Variants in TMEM131L observed in about 807,000 individuals in gnomAD.
The protein encoded by TMEM131L is transmembrane protein 131-like.
TMEM131L carries 54 observed loss-of-function variants against 192.2 expected under a neutral mutation model. The ratio of observed to expected loss-of-function variants is 0.28; its 90% CI spans 0.23 to 0.35. The LOEUF (loss-of-function observed/expected upper bound fraction) is 0.35. TMEM131L is among the 10% of genes least tolerant of loss of function. The pLI is 1.00. For missense variants in TMEM131L, 1,888 were observed against 1,972.9 expected (o/e 0.96, Z 0.82); for synonymous variants, 701 against 704.9 (o/e 0.99, Z 0.09).
chr4:153,554,575 T>C (rs1441595225), intron 4 of TMEM131L, among the ~76,000 whole-genome samples: 1 of 152,254 alleles, frequency 6.6e-6, no homozygotes, highest in Non-Finnish European at 1.5e-5. Context: ...AGATTTTACC[T>C]AATTTTACGG....
intron 16 of TMEM131L, 107 bp downstream of exon 16, chr4:153,589,114 G>A (rs760540119): frequency 1.2e-5 from 8 of 644,666 alleles, no homozygotes; most frequent in South Asian, 5.5e-5. Context: ...TCACCCCACC[G>A]TAGATGCCTG....
intron 3 of TMEM131L, among the ~76,000 whole-genome samples, chr4:153,541,081 A>G (rs1580172325): frequency 3.3e-5 from 5 of 152,178 alleles, no homozygotes; most frequent in Admixed American, 3.3e-4. Context: ...AGAGTGACCT[A>G]CCCTAGCGTC....
rs192271322 is a variant in TMEM131L, at chr4:153,574,750, G to A, written c.661-6076G>A. Among the ~76,000 whole-genome samples the A allele has an allele frequency of 3.3e-5, 5 of 152,234 alleles. No individual in the cohort carries two copies. In the East Asian group the frequency reaches 9.7e-4, roughly 29 times the overall value. ...TTACAGGCGTGTGCCACCATGCCCAGCAAATTTTTGTATTTTTACTAGAGA... is the reference window on the plus strand; with the variant it reads ...TTACAGGCGTGTGCCACCATGCCCAACAAATTTTTGTATTTTTACTAGAGA... On this transcript the variant is annotated intron_variant, in intron 7 of 34. Coordinates refer to ENST00000409959, the MANE Select transcript of TMEM131L (RefSeq NM_001131007.2).
intron 30 of TMEM131L, among the ~76,000 whole-genome samples, chr4:153,626,906 A>G (rs542304933): frequency 1.3e-5 from 2 of 152,358 alleles, no homozygotes; most frequent in East Asian, 1.9e-4. Flanking sequence ...TAGTAGATAC[A>G]TGTTTCCAGT....
At chr4:153,490,587 A>G (rs750419025) in intron 3 of TMEM131L, among the ~76,000 whole-genome samples, 85 of 152,304 alleles carry the variant, frequency 5.6e-4, no homozygotes, top group Non-Finnish European at 9.7e-4. Flanking sequence ...TTGGGTAAAC[A>G]TAAAGTTATT....
At chr4:153,561,243 T>C (rs1316941381) in intron 7 of TMEM131L, among the ~76,000 whole-genome samples, 4 of 152,320 alleles carry the variant, frequency 2.6e-5, no homozygotes, top group Middle Eastern at 3.4e-3. Flanking sequence ...GTCTTTTTAT[T>C]GTTGAGTAGT....
At chr4:153,617,863 G>GTT (rs61453817) in intron 26 of TMEM131L, among the ~76,000 whole-genome samples, 246 of 138,576 alleles carry the variant, frequency 1.8e-3, no homozygotes, top group South Asian at 1.8e-3. Context: ...GCTCTTCGTG[G>GTT]TTTTTTTTTT....
chr4:153,516,901 A>G (rs1561150155), intron 3 of TMEM131L, among the ~76,000 whole-genome samples: 2 of 152,016 alleles, frequency 1.3e-5, no homozygotes, highest in Admixed American at 6.6e-5. Flanking sequence ...ATCTTGGCTC[A>G]CTGCAACCTC....
At chr4:153,529,245 A>T (rs1457290728) in intron 3 of TMEM131L, among the ~76,000 whole-genome samples, 1 of 152,222 alleles carries the variant, frequency 6.6e-6, no homozygotes, top group Non-Finnish European at 1.5e-5. Flanking sequence ...AAAAGAAATG[A>T]TTGATTACTT....
At position 153,581,440 on chromosome 4, in the gene TMEM131L, C is replaced by A; in HGVS notation, c.772C>A (p.Leu258Ile). ...TCTGGAATCTGATGATGTTTTGCGT[C>A]TACAAATGAGCATAATGGTAACAAT... ...CYLESDDVLR[L>I]QMSIMVTMEN... is the part of the protein sequence containing the mutation. Residue 258 changes from leucine (L) to isoleucine (I), a missense_variant, in exon 9 of 35, where the codon CTA becomes ATA. Coordinates refer to ENST00000409959, the MANE Select transcript of TMEM131L (RefSeq NM_001131007.2). 6.3e-7 allele frequency: 1 copy of A among 1,583,750 alleles called. No individual in the cohort carries two copies. Among genetic ancestry groups the A allele is most frequent in the Non-Finnish European group, 8.6e-7 (1 of 1,163,374 alleles).
chr4:153,636,573 G>A lies in TMEM131L; in HGVS notation c.4830G>A (p.Val1610=). The A allele has an allele frequency of 1.2e-6, 2 of 1,608,852 alleles. No homozygotes were observed. The highest frequency in any genetic ancestry group is 1.7e-6 in the Non-Finnish European group (2 of 1,175,876). The change falls in exon 35 of 35, where the codon GTG becomes GTA. Residue 1610 remains valine, a synonymous_variant. Coordinates refer to ENST00000409959, the MANE Select transcript of TMEM131L (RefSeq NM_001131007.2). ...LSRDSSYCGN[V] is the part of the protein sequence containing the mutation. ...GAGACTCGAGTTACTGTGGGAATGTGTGAAAATAATTGGATTTTTAAACAA... is the reference window on the plus strand; with the variant it reads ...GAGACTCGAGTTACTGTGGGAATGTATGAAAATAATTGGATTTTTAAACAA...
chr4:153,480,738 T>C (rs1320068159), intron 3 of TMEM131L, among the ~76,000 whole-genome samples: 1 of 152,172 alleles, frequency 6.6e-6, no homozygotes, highest in African/African-American at 2.4e-5. Flanking sequence ...TGTTGCTCTG[T>C]TGGCTTTTTA....
At chr4:153,467,817 T>C (rs956800289) in intron 2 of TMEM131L, among the ~76,000 whole-genome samples, 2 of 152,318 alleles carry the variant, frequency 1.3e-5, no homozygotes, top group Non-Finnish European at 2.9e-5. Flanking sequence ...TATGATGATA[T>C]GATGATTGCG....
chr4:153,620,995 G>T lies in TMEM131L; in HGVS notation c.3692+115G>T, dbSNP rs1578883160. 1.1e-5 allele frequency: 8 copies of T among 699,138 alleles called. No individual in the cohort carries two copies. The South Asian group carries it at 1.4e-4, about 13-fold the overall frequency. 43.3% of individuals were successfully genotyped at this position (699,138 alleles called of 1,614,324 possible). A position where few individuals can be genotyped will look rare whatever the true frequency, so the allele number is the denominator to read the frequency against. Reference sequence around the variant, plus strand: ...GATATTAGATACCGATAATATGAGAGTGTAAATGTTTATCTCTTAAGATTA... The same window carrying T: ...GATATTAGATACCGATAATATGAGATTGTAAATGTTTATCTCTTAAGATTA... On this transcript the variant is annotated intron_variant, in intron 27 of 34. Transcript: ENST00000409959.
intron 3 of TMEM131L, among the ~76,000 whole-genome samples, chr4:153,493,903 G>A (rs1732976320): frequency 6.6e-6 from 1 of 152,164 alleles, no homozygotes; most frequent in East Asian, 1.9e-4. Flanking sequence ...AGTTGAAAAG[G>A]TCATTTTCTT....
At chr4:153,512,848 G>A (rs568695298) in intron 3 of TMEM131L, among the ~76,000 whole-genome samples, 98 of 152,226 alleles carry the variant, frequency 6.4e-4, no homozygotes, top group Non-Finnish European at 1.2e-3. Flanking sequence ...TCTTGACCTC[G>A]TGATCCGCCG....
intron 7 of TMEM131L, among the ~76,000 whole-genome samples, chr4:153,571,954 A>AT (rs1426748770): frequency 4.6e-5 from 7 of 152,104 alleles, no homozygotes; most frequent in Non-Finnish European, 1.0e-4. Context: ...GATATATTTC[A>AT]TTTTGAATAC....
Position 153,500,611 on chromosome 4 carries a change from A to G in TMEM131L, c.239+26723A>G, listed in dbSNP as rs186988427. On this transcript the variant is annotated intron_variant, in intron 3 of 34. Transcript: ENST00000409959. ...TTATGGCCAAACAAGATCAAACACA[A>G]ACAAAAACCTTTGGGTCCGTCATCT... 2.6e-5 allele frequency among the ~76,000 whole-genome samples: 4 copies of G among 152,354 alleles called. No homozygotes were observed. The East Asian group carries it at 7.7e-4, about 29-fold the overall frequency.
At position 153,626,088 on chromosome 4, in the gene TMEM131L, G is replaced by A. The variant is rs191775534; in HGVS notation, c.4046-59G>A. 109 of 1,064,238 alleles carry A rather than the reference G, an allele frequency of 1.0e-4. No individual in the cohort carries two copies. The Admixed American group carries it at 1.4e-3, about 13-fold the overall frequency. 65.9% of individuals were successfully genotyped at this position (1,064,238 alleles called of 1,614,324 possible). A position where few individuals can be genotyped will look rare whatever the true frequency, so the allele number is the denominator to read the frequency against. On this transcript the variant is annotated intron_variant, in intron 29 of 34. Coordinates refer to ENST00000409959, the MANE Select transcript of TMEM131L (RefSeq NM_001131007.2). ...TTAATAACCTATGCATTTTAATACC[G>A]AATATACAGTTGAAGTGTACTTTTT...
Sources: gnomAD v4.1 joint callset for allele counts (sites outside exome capture counted in the v4.1 genomes callset) on GRCh38, gnomAD v4.1.1 for gene constraint, MANE v1.5 for transcripts, NCBI Gene and HGNC (gene_info 2026-07-23, HGNC 2026-07-21) for gene names.